PRDM6: variants seen among roughly 807,000 people sequenced by gnomAD.
The protein encoded by PRDM6 is putative histone-lysine N-methyltransferase PRDM6.
In PRDM6, 25 loss-of-function variants were observed where a neutral mutation model predicts 60.8. The observed-to-expected ratio is 0.41, with a 90% CI of 0.30 to 0.57. PRDM6 has a LOEUF of 0.57. Ranked by LOEUF, PRDM6 falls within the 20% of genes least tolerant of loss-of-function variation. The probability of loss-of-function intolerance (pLI) is 0.27; values close to 1 mark genes in which losing one functional copy is unlikely to be tolerated. For missense variants in PRDM6, 839 were observed against 821.3 expected (o/e 1.02, Z -0.26); for synonymous variants, 407 against 357.4 (o/e 1.14, Z -1.57).
chr5:123,149,571 G>A (rs1372530492), intron 3 of PRDM6, among the ~76,000 whole-genome samples: 1 of 152,128 alleles, frequency 6.6e-6, no homozygotes, highest in African/African-American at 2.4e-5. Context: ...CAAAGGTATA[G>A]TGGGTGCCTA....
At chr5:123,172,191 C>G (rs1037348730) in intron 6 of PRDM6, among the ~76,000 whole-genome samples, 1 of 151,948 alleles carries the variant, frequency 6.6e-6, no homozygotes, top group African/African-American at 2.4e-5. Flanking sequence ...CCTAGAAAAC[C>G]CAAGCAGAGG....
At chr5:123,096,709 C>A (rs1411597640) in intron 2 of PRDM6, among the ~76,000 whole-genome samples, 3 of 152,182 alleles carry the variant, frequency 2.0e-5, no homozygotes, top group Admixed American at 6.5e-5. Context: ...GGGAGAGCCT[C>A]AGTTTTTCAC....
rs900876191 is a variant in PRDM6, at chr5:123,189,658, C to T, written c.*2457C>T. ...AAGAGAAATTGTTGGCATATATATT[C>T]CACCAAATTTGGTCAGAAAATATTT... On this transcript the variant is annotated 3_prime_UTR_variant, in exon 8 of 8. Transcript: ENST00000407847. 1 of 152,154 alleles carries T rather than the reference C, an allele frequency of 6.6e-6. No individual in the cohort carries two copies. The highest frequency in any genetic ancestry group is 2.4e-5 in the African/African-American group (1 of 41,416). 9.4% of individuals were successfully genotyped at this position (152,154 alleles called of 1,614,324 possible).
Position 123,102,998 on chromosome 5 carries a change from A to T in PRDM6, c.900+3037A>T, listed in dbSNP as rs1764136345. On this transcript the variant is annotated intron_variant, in intron 3 of 7. Coordinates refer to ENST00000407847, the MANE Select transcript of PRDM6 (RefSeq NM_001136239.4). ...GCTCTATTTTCTTTGTAGAAAAATG[A>T]CTTTTTGTTATTTAACATACATCAG... is the stretch of plus-strand genomic sequence containing the variant. Among the ~76,000 whole-genome samples the T allele has an allele frequency of 2.6e-5, 4 of 152,156 alleles. 1 individual carries two copies. Among genetic ancestry groups the T allele is most frequent in the African/African-American group, 9.6e-5 (4 of 41,564 alleles).
intron 6 of PRDM6, among the ~76,000 whole-genome samples, chr5:123,175,122 G>A (rs148259853): frequency 9.8e-5 from 15 of 152,286 alleles, no homozygotes; most frequent in African/African-American, 3.6e-4. Flanking sequence ...GCAGTATGGT[G>A]GTGGGGGGTA....
intron 1 of PRDM6, 126 bp downstream of exon 1, chr5:123,089,645 G>C: frequency 4.3e-6 from 1 of 235,006 alleles, no homozygotes; most frequent in Non-Finnish European, 8.2e-6. Flanking sequence ...ACGCGGCTCG[G>C]GCGCTGCGCC....
chr5:123,163,724 A>G (rs1765684889), intron 5 of PRDM6, among the ~76,000 whole-genome samples: 1 of 152,144 alleles, frequency 6.6e-6, no homozygotes, highest in Admixed American at 6.5e-5. Flanking sequence ...CAGAGTGTAA[A>G]GACCTTAGTG....
chr5:123,135,304 C>G (rs1764930253), intron 3 of PRDM6, among the ~76,000 whole-genome samples: 4 of 152,298 alleles, frequency 2.6e-5, no homozygotes, highest in Admixed American at 2.6e-4. Flanking sequence ...AAACCAGCAA[C>G]TCAGACACAA....
At chr5:123,161,033 C>A (rs1765618734) in intron 5 of PRDM6, among the ~76,000 whole-genome samples, 1 of 152,228 alleles carries the variant, frequency 6.6e-6, no homozygotes. Context: ...CCAGCCTCCC[C>A]ATCTACTAAC....
intron 4 of PRDM6, 140 bp from the exon 5 acceptor site, chr5:123,159,374 A>T (rs1164145470): frequency 1.1e-6 from 1 of 903,110 alleles, no homozygotes; most frequent in African/African-American, 1.7e-5. Flanking sequence ...TGCTGGGGAC[A>T]ATCAGTTGGA....
Position 123,090,252 on chromosome 5 carries a change from T to G in PRDM6, c.238T>G (p.Ser80Ala). Reference sequence around the variant, plus strand: ...GCGGCCCGCCTCTCTCTCCTCCGCCTCGTCCACGCCGGCTTCCTCTTCCAC... The same window carrying G: ...GCGGCCCGCCTCTCTCTCCTCCGCCGCGTCCACGCCGGCTTCCTCTTCCAC... ...RPRPASLSSASSTPASSSTSA... is the reference protein window; with the variant it reads ...RPRPASLSSAASTPASSSTSA... The change falls in exon 2 of 8, where the codon TCG (serine) becomes GCG (alanine). Residue 80 changes from serine to alanine, a missense_variant. By Grantham distance (99) the Ser-to-Ala change is moderately conservative. Around this residue, in one of 2 missense-constraint regions of PRDM6, gnomAD observed 730 missense variants for 648.8 expected, o/e 1.13. Coordinates refer to ENST00000407847, the MANE Select transcript of PRDM6 (RefSeq NM_001136239.4). The G allele has an allele frequency of 6.7e-7, 1 of 1,486,982 alleles. No homozygotes were observed. Among genetic ancestry groups the G allele is most frequent in the Non-Finnish European group, 8.9e-7 (1 of 1,118,810 alleles). 92.1% of individuals were successfully genotyped at this position (1,486,982 alleles called of 1,614,324 possible).
chr5:123,100,945 G>A (rs948724546), intron 3 of PRDM6, among the ~76,000 whole-genome samples: 4 of 152,128 alleles, frequency 2.6e-5, no homozygotes, highest in African/African-American at 9.7e-5. Context: ...TGACTAACTG[G>A]GCAAGTGGTA....
intron 5 of PRDM6, among the ~76,000 whole-genome samples, chr5:123,165,240 T>G (rs549111065): frequency 6.6e-6 from 1 of 152,298 alleles, no homozygotes; most frequent in South Asian, 2.1e-4. Context: ...CAACTAAACC[T>G]GCGTAAAACT....
intron 3 of PRDM6, among the ~76,000 whole-genome samples, chr5:123,154,639 A>G (rs901027990): frequency 6.6e-6 from 1 of 152,220 alleles, no homozygotes; most frequent in South Asian, 2.1e-4. Context: ...CTAAACTAAT[A>G]TGAATGACCA....
Position 123,180,330 on chromosome 5 carries a change from A to C in PRDM6, c.1673+7A>C. Reference sequence around the variant, plus strand: ...CTGGAGAAAAGCCCTTCAAGTAAGTAGTGGCTAGCCCTCCACCCTCTCTTT... The same window carrying C: ...CTGGAGAAAAGCCCTTCAAGTAAGTCGTGGCTAGCCCTCCACCCTCTCTTT... On this transcript the variant is annotated splice_region_variant and intron_variant, in intron 7 of 7. Transcript: ENST00000407847. The C allele has an allele frequency of 1.9e-6, 3 of 1,546,926 alleles. No homozygotes were observed. Among genetic ancestry groups the C allele is most frequent in the Non-Finnish European group, 2.6e-6 (3 of 1,144,216 alleles).
chr5:123,172,587 T>G (rs112655587), intron 6 of PRDM6, among the ~76,000 whole-genome samples: 121 of 152,350 alleles, frequency 7.9e-4, no homozygotes, highest in Non-Finnish European at 1.4e-3. Context: ...CTTTTAAGTT[T>G]GCAAAGCATT....
At chr5:123,150,415 C>T (rs1765347120) in intron 3 of PRDM6, among the ~76,000 whole-genome samples, 1 of 152,106 alleles carries the variant, frequency 6.6e-6, no homozygotes, top group Admixed American at 6.5e-5. Context: ...AACCACCGTT[C>T]ACCTTTTAAA....
chr5:123,180,498 G>C (rs1322565783), intron 7 of PRDM6, among the ~76,000 whole-genome samples, 175 bp downstream of exon 7: 1 of 152,234 alleles, frequency 6.6e-6, no homozygotes, highest in Non-Finnish European at 1.5e-5. Flanking sequence ...GAAAAATGAA[G>C]TCAGGAAACC....
chr5:123,123,699 TC>T (rs1764630500), intron 3 of PRDM6, among the ~76,000 whole-genome samples: 1 of 152,232 alleles, frequency 6.6e-6, no homozygotes, highest in Non-Finnish European at 1.5e-5. Context: ...TTCTCGTTCC[TC>T]CCATGCAAAC....
Sources: gnomAD v4.1 joint callset for allele counts (sites outside exome capture counted in the v4.1 genomes callset) on GRCh38, gnomAD v4.1.1 for gene constraint, gnomAD v4.1.1 regional missense constraint, MANE v1.5 for transcripts, NCBI Gene and HGNC (gene_info 2026-07-23, HGNC 2026-07-21) for gene names.